Variants in SAMD12 observed in about 807,000 individuals in gnomAD.
SAMD12 encodes sterile alpha motif domain-containing protein 12.
In SAMD12, 9 loss-of-function variants were observed where a neutral mutation model predicts 15.0. That is an observed-to-expected ratio of 0.60 (90% CI 0.36 to 1.05). The LOEUF is 1.05. Among genes scored for constraint, SAMD12 ranks in the 50% least tolerant of loss-of-function variants. The pLI, the probability that SAMD12 is intolerant of heterozygous loss-of-function variation, is 0.01. For synonymous variants in SAMD12, 86 were observed against 90.1 expected (o/e 0.96, Z 0.25); for missense variants, 230 against 234.2 (o/e 0.98, Z 0.12).
intron 2 of SAMD12, among the ~76,000 whole-genome samples, chr8:118,468,801 C>T (rs751034548): frequency 2.6e-5 from 4 of 152,116 alleles, no homozygotes; most frequent in Non-Finnish European, 5.9e-5. Flanking sequence ...TAATTCTTGT[C>T]ACTGTGCAGA....
intron 4 of SAMD12, among the ~76,000 whole-genome samples, chr8:118,221,205 C>T (rs962304501): frequency 8.5e-5 from 13 of 152,172 alleles, no homozygotes; most frequent in East Asian, 3.9e-4. Context: ...TTAATTAAAA[C>T]GATCTCTCCC....
chr8:118,591,669 G>A (rs1198087929), intron 1 of SAMD12, among the ~76,000 whole-genome samples: 1 of 151,980 alleles, frequency 6.6e-6, no homozygotes, highest in African/African-American at 2.4e-5. Flanking sequence ...AATTCAGTAG[G>A]AAGACAAGAA....
the SAMD12 span, among the ~76,000 whole-genome samples, chr8:118,157,672 T>C: frequency 1.7e-4 from 26 of 152,352 alleles, no homozygotes; most frequent in African/African-American, 6.0e-4. Flanking sequence ...ATAGGAGCTA[T>C]TTCGTTACTG....
intron 2 of SAMD12, among the ~76,000 whole-genome samples, chr8:118,544,332 T>C (rs1443354672): frequency 6.6e-6 from 1 of 152,042 alleles, no homozygotes; most frequent in East Asian, 1.9e-4. Context: ...GAAAAGGGTG[T>C]TGAAGGATTG....
intron 4 of SAMD12, among the ~76,000 whole-genome samples, chr8:118,353,581 AT>A (rs1277670774): frequency 6.6e-6 from 1 of 152,194 alleles, no homozygotes; most frequent in African/African-American, 2.4e-5. Context: ...CTCTGGAACC[AT>A]GAGAAATAGA....
At chr8:118,560,102 C>A (rs1289071117) in intron 2 of SAMD12, among the ~76,000 whole-genome samples, 1 of 152,122 alleles carries the variant, frequency 6.6e-6, no homozygotes, top group Non-Finnish European at 1.5e-5. Context: ...TGAGAACGGG[C>A]CTTGCCAATG....
At chr8:118,323,267 T>C (rs1205576219) in intron 4 of SAMD12, among the ~76,000 whole-genome samples, 2 of 152,188 alleles carry the variant, frequency 1.3e-5, no homozygotes, top group African/African-American at 2.4e-5. Flanking sequence ...CAAATATATA[T>C]GCCCTATTTA....
At chr8:118,226,195 A>G (rs1298185338) in intron 4 of SAMD12, among the ~76,000 whole-genome samples, 1 of 152,210 alleles carries the variant, frequency 6.6e-6, no homozygotes, top group Non-Finnish European at 1.5e-5. Context: ...GAGGACACTG[A>G]GGAATGAGGA....
chr8:118,533,103 G>T (rs1162348687), intron 2 of SAMD12, among the ~76,000 whole-genome samples: 1 of 152,068 alleles, frequency 6.6e-6, no homozygotes, highest in African/African-American at 2.4e-5. Flanking sequence ...TCTACACACT[G>T]TTTTAAATGT....
chr8:118,533,711 T>C (rs1825755186), intron 2 of SAMD12, among the ~76,000 whole-genome samples: 2 of 152,224 alleles, frequency 1.3e-5, no homozygotes, highest in African/African-American at 4.8e-5. Flanking sequence ...TCTTTGTCTC[T>C]TTTGATCTTT....
intron 2 of SAMD12, among the ~76,000 whole-genome samples, chr8:118,544,385 G>A (rs1370816541): frequency 3.3e-5 from 5 of 152,182 alleles, no homozygotes; most frequent in African/African-American, 1.2e-4. Flanking sequence ...AGCTTGGGAA[G>A]TGGGGAAAGC....
chr8:118,579,803 A>C (rs1827238649), intron 2 of SAMD12, among the ~76,000 whole-genome samples: 1 of 152,186 alleles, frequency 6.6e-6, no homozygotes, highest in African/African-American at 2.4e-5. Context: ...ACAAAACTAT[A>C]TGAAGATTAA....
chr8:118,423,899 T>C (rs2130853126), intron 3 of SAMD12, among the ~76,000 whole-genome samples: 1 of 152,302 alleles, frequency 6.6e-6, no homozygotes, highest in Non-Finnish European at 1.5e-5. Context: ...CCTCAATAAA[T>C]ATGTTTTAAG....
intron 4 of SAMD12, among the ~76,000 whole-genome samples, chr8:118,261,199 A>G (rs1009098796): frequency 3.9e-5 from 6 of 152,260 alleles, no homozygotes; most frequent in African/African-American, 1.4e-4. Flanking sequence ...TCAACTAAAT[A>G]CAGCACCACT....
chr8:118,422,506 C>A (rs753213989), intron 3 of SAMD12, among the ~76,000 whole-genome samples: 12 of 152,060 alleles, frequency 7.9e-5, no homozygotes, highest in Non-Finnish European at 1.5e-4. Flanking sequence ...AATACTGAGG[C>A]AAGAATGAGA....
At chr8:118,492,499 G>T (rs1824470768) in intron 2 of SAMD12, among the ~76,000 whole-genome samples, 2 of 152,100 alleles carry the variant, frequency 1.3e-5, no homozygotes, top group African/African-American at 4.8e-5. Flanking sequence ...GGGATGGGGG[G>T]ATTCATTCAT....
chr8:118,171,367 C>T, the SAMD12 span, among the ~76,000 whole-genome samples: 2 of 152,212 alleles, frequency 1.3e-5, no homozygotes, highest in South Asian at 4.1e-4. Flanking sequence ...AACATTTGCA[C>T]ACATAAAAAT....
intron 2 of SAMD12, among the ~76,000 whole-genome samples, chr8:118,502,816 G>A (rs926611101): frequency 1.3e-5 from 2 of 152,212 alleles, no homozygotes; most frequent in Non-Finnish European, 2.9e-5. Flanking sequence ...ATGGCTAAGT[G>A]TAGCAAGGTT....
Position 118,507,979 on chromosome 8 carries a change from T to C in SAMD12, c.193-68018A>G, listed in dbSNP as rs541353639. On this transcript the variant is annotated intron_variant, in intron 2 of 3. Transcript: ENST00000314727. ...CTGTTTGGTTGAGCAAACCCCTAGA[T>C]AGTATAATCTCCTTTTTTTTTTTTT... Among the ~76,000 whole-genome samples the C allele has an allele frequency of 6.9e-5, 10 of 145,842 alleles. No individual in the cohort carries two copies. In the Admixed American group the frequency reaches 7.2e-4, roughly 10 times the overall value.
Sources: allele counts gnomAD v4.1 joint callset (sites outside exome capture counted in the v4.1 genomes callset), GRCh38; gene constraint gnomAD v4.1.1; transcripts MANE v1.5; gene names NCBI Gene and HGNC (gene_info 2026-07-23, HGNC 2026-07-21).